Variants in EIF2AK4 observed in about 807,000 individuals in gnomAD.
EIF2AK4 encodes the protein eukaryotic translation initiation factor 2 alpha kinase 4, also known as eIF-2-alpha kinase GCN2.
EIF2AK4 carries 139 observed loss-of-function variants against 211.1 expected under a neutral mutation model. The ratio of observed to expected loss-of-function variants is 0.66; its 90% CI spans 0.57 to 0.76. The LOEUF is 0.76. Ranked by LOEUF, EIF2AK4 falls within the 30% of genes least tolerant of loss-of-function variation. The pLI is 0.00. For missense variants in EIF2AK4, 1,664 were observed against 2,043.8 expected, an observed-to-expected ratio of 0.81 and a Z score of 3.58; for synonymous variants, 710 against 751.3, an observed-to-expected ratio of 0.94 and a Z score of 0.90.
In EIF2AK4 at chr15:39,949,046, C is replaced by T; in HGVS notation, c.361-70C>T. The T allele has an allele frequency of 3.2e-6, 5 of 1,579,166 alleles. No homozygotes were observed. In the Admixed American group the frequency reaches 6.8e-5, roughly 21 times the overall value. On this transcript the variant is annotated intron_variant, in intron 3 of 38. Coordinates refer to ENST00000263791, the MANE Select transcript of EIF2AK4 (RefSeq NM_001013703.4). ...CTGACCGCCAGTTTGCTTTCCTGTTCTGTAGCCTCTCCTGTTTGGGCCTTC... is the reference window on the plus strand; with the variant it reads ...CTGACCGCCAGTTTGCTTTCCTGTTTTGTAGCCTCTCCTGTTTGGGCCTTC...
chr15:39,939,438 T>G, intron 1 of EIF2AK4, 67 bp from the exon 2 acceptor site: 2 of 899,648 alleles, frequency 2.2e-6, no homozygotes, highest in Non-Finnish European at 3.3e-6. Flanking sequence ...AAAATGATCA[T>G]TATCTTAATC....
chr15:39,955,552 A>T, intron 5 of EIF2AK4, 68 bp from the exon 6 acceptor site: 1 of 1,499,276 alleles, frequency 6.7e-7, no homozygotes, highest in Non-Finnish European at 9.0e-7. Flanking sequence ...TGAATTAATA[A>T]TTATGTACCA....
At chr15:40,024,404 T>C (rs935764170) in intron 32 of EIF2AK4, among the ~76,000 whole-genome samples, 1 of 63,436 alleles carries the variant, frequency 1.6e-5, no homozygotes, top group Non-Finnish European at 2.8e-5. Context: ...TGAGTTTTCC[T>C]TTTTTTTTTT....
rs1248007071 is a variant in EIF2AK4, at chr15:39,973,599, A to G, written c.1668A>G (p.Glu556=). ...CTCCCTGTTTTATCTCAGATTCTGA[A>G]GGACAAGATTATGTTGAGACTGTTA... is the stretch of plus-strand genomic sequence containing the variant. ...PLVEQSPEDS[E]GQDYVETVIP... is the part of the protein sequence containing the mutation. The change falls in exon 11 of 39, where the codon GAA becomes GAG. Residue 556 remains glutamate (E), a synonymous_variant. Transcript: ENST00000263791. 6.2e-7 allele frequency: 1 copy of G among 1,609,680 alleles called. No homozygotes were observed. Among genetic ancestry groups the G allele is most frequent in the Non-Finnish European group, 8.5e-7 (1 of 1,177,946 alleles).
rs942200621 is a variant in EIF2AK4 at position 39,965,534 on chromosome 15, A to G, written c.860-152A>G. On this transcript the variant is annotated intron_variant, in intron 7 of 38. Transcript: ENST00000263791. ...TATTGCTAAATATCAAAAATTGTTT[A>G]CAAAAGGACATTATTACATAAAGTC... 5.8e-6 allele frequency: 5 copies of G among 862,942 alleles called. No individual in the cohort carries two copies. The East Asian group carries it at 7.8e-5, about 13-fold the overall frequency. 53.5% of individuals were successfully genotyped at this position (862,942 alleles called of 1,614,324 possible). A position where few individuals can be genotyped will look rare whatever the true frequency, so the allele number is the denominator to read the frequency against.
intron 10 of EIF2AK4, 139 bp downstream of exon 10, chr15:39,973,153 T>G: frequency 1.4e-6 from 1 of 726,214 alleles, no homozygotes; most frequent in Non-Finnish European, 2.3e-6. Flanking sequence ...TAGTTTGATG[T>G]GTGCCATGTG....
rs2035350557 is a variant in EIF2AK4 at position 40,019,201 on chromosome 15, G to C, written c.4173+1G>C. ...TGCTGTCCTCAACATGGAGGAATCT[G>C]TAAGTTCTGGCTTGGCTTCCCAGCA... On this transcript the variant is annotated splice_donor_variant, in intron 30 of 38. Coordinates refer to ENST00000263791, the MANE Select transcript of EIF2AK4 (RefSeq NM_001013703.4). LOFTEE classifies it high-confidence loss of function. 1.9e-6 allele frequency: 3 copies of C among 1,570,670 alleles called. No individual in the cohort carries two copies. The highest frequency in any genetic ancestry group is 1.9e-5 in the Admixed American group (1 of 53,274).
Position 40,020,818 on chromosome 15 carries a change from T to C in EIF2AK4, c.4174-81T>C, listed in dbSNP as rs1040156399. On this transcript the variant is annotated intron_variant, in intron 30 of 38. Transcript: ENST00000263791. ...AGAATGCCCATCTTCCCAAGAGTGC[T>C]GCCTCCCCTCCTGATGCTGGTTTCA... is the stretch of plus-strand genomic sequence containing the variant. 34 of 1,336,472 alleles carry C rather than the reference T, an allele frequency of 2.5e-5. No individual in the cohort carries two copies. In the African/African-American group the frequency reaches 5.0e-4, roughly 20 times the overall value. The allele number at this position is 1,336,472 out of a possible 1,614,324, so 82.8% of individuals were successfully genotyped here. A position where few individuals can be genotyped will look rare whatever the true frequency, so the allele number is the denominator to read the frequency against.
At chr15:40,003,088 G>A in intron 22 of EIF2AK4, 105 bp from the exon 23 acceptor site, 1 of 1,477,214 alleles carries the variant, frequency 6.8e-7, no homozygotes, top group Non-Finnish European at 9.1e-7. Context: ...TGACTTCAAT[G>A]GTCCCAGTAG....
rs374045206 is a variant in EIF2AK4 at position 40,034,463 on chromosome 15, A to G, written c.4892+19A>G. The G allele has an allele frequency of 6.3e-7, 1 of 1,586,972 alleles. No individual in the cohort carries two copies. Among genetic ancestry groups the G allele is most frequent in the South Asian group, 1.1e-5 (1 of 90,362 alleles). On this transcript the variant is annotated intron_variant, in intron 38 of 38. Coordinates refer to ENST00000263791, the MANE Select transcript of EIF2AK4 (RefSeq NM_001013703.4). ...AAAAAAAGTAAGTTATCACTTGGGC[A>G]TAGCAGGGTTCACATGGTTAAAATT...
At chr15:39,935,902 A>T (rs1325597231) in intron 1 of EIF2AK4, among the ~76,000 whole-genome samples, 1 of 152,230 alleles carries the variant, frequency 6.6e-6, no homozygotes, top group Non-Finnish European at 1.5e-5. Context: ...AATATAAATT[A>T]TTCCCCTTAA....
At chr15:39,945,745 C>T (rs892850778) in intron 3 of EIF2AK4, among the ~76,000 whole-genome samples, 1 of 152,174 alleles carries the variant, frequency 6.6e-6, no homozygotes, top group Non-Finnish European at 1.5e-5. Context: ...CAGACTGACT[C>T]GCTTGTTAGG....
At chr15:40,005,079 G>A (rs2035142448) in intron 23 of EIF2AK4, among the ~76,000 whole-genome samples, 1 of 152,178 alleles carries the variant, frequency 6.6e-6, no homozygotes, top group Non-Finnish European at 1.5e-5. Context: ...AGGCATAGTA[G>A]TAGATATTAT....
At chr15:39,968,061 C>T (rs2034569894) in intron 9 of EIF2AK4, among the ~76,000 whole-genome samples, 182 bp downstream of exon 9, 2 of 152,320 alleles carry the variant, frequency 1.3e-5, no homozygotes, top group Admixed American at 6.5e-5. Flanking sequence ...TGGTGATTCT[C>T]TTAACTACCA....
At chr15:40,002,565 T>TGAG in intron 21 of EIF2AK4, 148 bp from the exon 22 acceptor site, 1 of 745,250 alleles carries the variant, frequency 1.3e-6, no homozygotes, top group Non-Finnish European at 2.3e-6. Context: ...TCTTCCCTGA[T>TGAG]GTGTTCAAAG....
At chr15:39,951,143 G>T (rs980126706) in intron 4 of EIF2AK4, among the ~76,000 whole-genome samples, 22 of 152,158 alleles carry the variant, frequency 1.4e-4, no homozygotes, top group Non-Finnish European at 3.1e-4. Flanking sequence ...AATTTTTTGC[G>T]GGGGGAGTGA....
intron 23 of EIF2AK4, among the ~76,000 whole-genome samples, chr15:40,005,987 C>T (rs921526868): frequency 6.6e-5 from 10 of 151,408 alleles, no homozygotes; most frequent in African/African-American, 2.4e-4. Context: ...AAAAAAAATT[C>T]ACAAAGCTCC....
Position 40,007,007 on chromosome 15 carries a change from ATTT to A in EIF2AK4, c.3358-6_3358-4del. On this transcript the variant is annotated splice_polypyrimidine_tract_variant and splice_region_variant and intron_variant, in intron 23 of 38. Transcript: ENST00000263791. ...GACATTGACCTTTCATATTTTGTTTATTTTTCAGATCCCTTTTGCAAGATATGT... is the reference window on the plus strand; with the variant it reads ...GACATTGACCTTTCATATTTTGTTTATTCAGATCCCTTTTGCAAGATATGT... 1 of 1,575,240 alleles carries A rather than the reference ATTT, an allele frequency of 6.3e-7. No individual in the cohort carries two copies. The highest frequency in any genetic ancestry group is 8.7e-7 in the Non-Finnish European group (1 of 1,149,212).
Position 40,001,048 on chromosome 15 carries a change from C to T in EIF2AK4, c.2983C>T (p.Leu995=). The change falls in exon 21 of 39, where the codon CTG becomes TTG. Residue 995 remains leucine, a synonymous_variant. Transcript: ENST00000263791. The stretch of plus-strand genomic sequence containing the variant: ...AGCAAAACGGCCCACAGCCACAGAA[C>T]TGCTCAAGAGTGAGCTGCTGCCCCC... ...DPAKRPTATE[L]LKSELLPPPQ... 1 of 1,614,222 alleles carries T rather than the reference C, an allele frequency of 6.2e-7. No homozygotes were observed. The highest frequency in any genetic ancestry group is 8.5e-7 in the Non-Finnish European group (1 of 1,180,032).
Sources: gnomAD v4.1 joint callset for allele counts (sites outside exome capture counted in the v4.1 genomes callset) on GRCh38, gnomAD v4.1.1 for gene constraint, MANE v1.5 for transcripts, NCBI Gene and HGNC (gene_info 2026-07-23, HGNC 2026-07-21) for gene names.